PKIB: variants seen among roughly 807,000 people sequenced by gnomAD.
PKIB encodes PKI-beta.
In PKIB, 2 loss-of-function variants were observed where a neutral mutation model predicts 4.5. The observed-to-expected ratio is 0.44, with a 90% CI of 0.18 to 1.39. The LOEUF (loss-of-function observed/expected upper bound fraction) is 1.39, where lower values mean the gene tolerates loss of function less well. Ranked by LOEUF, PKIB falls within the 40% of genes most tolerant of loss-of-function variation. The probability of loss-of-function intolerance (pLI) is 0.27; values close to 1 mark genes in which losing one functional copy is unlikely to be tolerated. For synonymous variants in PKIB, 38 were observed against 36.0 expected (o/e 1.06, Z -0.20); for missense variants, 94 against 92.6 (o/e 1.02, Z -0.06).
chr6:122,533,932 A>G (rs1246353365), intron 2 of PKIB, among the ~76,000 whole-genome samples: 1 of 151,756 alleles, frequency 6.6e-6, no homozygotes, highest in Non-Finnish European at 1.5e-5. Context: ...TGTCCCTTCT[A>G]TCAACCATCC....
intron 2 of PKIB, among the ~76,000 whole-genome samples, chr6:122,488,741 A>G (rs1775846201): frequency 6.6e-6 from 1 of 152,198 alleles, no homozygotes; most frequent in Admixed American, 6.5e-5. Flanking sequence ...ACATTGGAGC[A>G]CTACGTCTGC....
chr6:122,602,702 G>A (rs1204850795), intron 3 of PKIB, among the ~76,000 whole-genome samples: 2 of 152,036 alleles, frequency 1.3e-5, no homozygotes, highest in African/African-American at 4.8e-5. Flanking sequence ...ATTGTTTGAG[G>A]CCAGGAGTTC....
chr6:122,510,844 C>G (rs939925993), intron 2 of PKIB, among the ~76,000 whole-genome samples: 3 of 152,104 alleles, frequency 2.0e-5, no homozygotes, highest in Admixed American at 6.5e-5. Context: ...TGAATGCCCC[C>G]TTTTCATAAT....
intron 2 of PKIB, among the ~76,000 whole-genome samples, chr6:122,639,936 G>A (rs963605623): frequency 3.9e-5 from 6 of 152,008 alleles, no homozygotes; most frequent in Admixed American, 6.6e-5. Flanking sequence ...GGAAGGGTTC[G>A]CCTGAAGACA....
At chr6:122,489,134 G>C (rs1775863209) in intron 2 of PKIB, among the ~76,000 whole-genome samples, 1 of 152,008 alleles carries the variant, frequency 6.6e-6, no homozygotes, top group Non-Finnish European at 1.5e-5. Flanking sequence ...ACTTGTGTTA[G>C]CTGCCTCAAA....
intron 2 of PKIB, among the ~76,000 whole-genome samples, chr6:122,557,299 C>T (rs1772874244): frequency 6.6e-6 from 1 of 152,146 alleles, no homozygotes. Flanking sequence ...GCCCATATTT[C>T]TGCCTCATTG....
At chr6:122,701,180 C>A in intron 3 of PKIB, 1 of 359,140 alleles carries the variant, frequency 2.8e-6, no homozygotes, top group Admixed American at 4.1e-5. Context: ...ACTACCTTTG[C>A]ATGAACAACA....
chr6:122,657,274 T>G (rs1208904885), intron 2 of PKIB, among the ~76,000 whole-genome samples: 1 of 152,112 alleles, frequency 6.6e-6, no homozygotes, highest in East Asian at 1.9e-4. Flanking sequence ...AGGACTTGAG[T>G]CTAAAATTGC....
At chr6:122,693,916 A>G (rs1476176680) in intron 3 of PKIB, among the ~76,000 whole-genome samples, 2 of 152,226 alleles carry the variant, frequency 1.3e-5, no homozygotes, top group Non-Finnish European at 2.9e-5. Context: ...CCATCAGCAT[A>G]TATCCTGACA....
At chr6:122,566,432 A>G (rs116000544) in intron 2 of PKIB, among the ~76,000 whole-genome samples, 254 of 152,284 alleles carry the variant, frequency 1.7e-3, no homozygotes, top group African/African-American at 5.8e-3. Flanking sequence ...GAGGTTTTAT[A>G]TATAGCCTCA....
At chr6:122,695,841 G>T (rs1562306841) in intron 3 of PKIB, among the ~76,000 whole-genome samples, 1 of 152,014 alleles carries the variant, frequency 6.6e-6, no homozygotes, top group Non-Finnish European at 1.5e-5. Flanking sequence ...GAATTGTAGG[G>T]AATCTATCTC....
intron 3 of PKIB, among the ~76,000 whole-genome samples, chr6:122,602,758 T>C (rs1774413272): frequency 6.6e-6 from 1 of 150,902 alleles, no homozygotes; most frequent in Non-Finnish European, 1.5e-5. Flanking sequence ...CCCCTAAAAA[T>C]ACAAAAAACA....
chr6:122,512,685 G>A (rs376926334), intron 2 of PKIB, among the ~76,000 whole-genome samples: 3 of 152,058 alleles, frequency 2.0e-5, no homozygotes, highest in East Asian at 3.9e-4. Context: ...TCCAAGTCTC[G>A]GTTATCACTT....
In PKIB at chr6:122,678,149, C is replaced by T. The variant is rs112103893; in HGVS notation, c.-9+3005C>T. Among the ~76,000 whole-genome samples the T allele has an allele frequency of 1.7e-3, 256 of 152,234 alleles. 1 individual carries two copies. Among genetic ancestry groups the T allele is most frequent in the African/African-American group, 5.9e-3 (246 of 41,556 alleles). Reference sequence around the variant, plus strand: ...TACTGACCTCATAATCTGCTCACCTCGGCCTCCCAAAGTGCTGGGATTACA... The same window carrying T: ...TACTGACCTCATAATCTGCTCACCTTGGCCTCCCAAAGTGCTGGGATTACA... On this transcript the variant is annotated intron_variant, in intron 3 of 4. Coordinates refer to ENST00000368452, the MANE Select transcript of PKIB (RefSeq NM_181795.3).
chr6:122,613,608 G>A (rs1173297193), intron 1 of PKIB, among the ~76,000 whole-genome samples: 1 of 151,852 alleles, frequency 6.6e-6, no homozygotes, highest in Non-Finnish European at 1.5e-5. Context: ...AATAATCTAG[G>A]TTAAGCACTT....
At chr6:122,570,193 C>A (rs1773319130) in intron 2 of PKIB, among the ~76,000 whole-genome samples, 1 of 152,184 alleles carries the variant, frequency 6.6e-6, no homozygotes, top group Non-Finnish European at 1.5e-5. Context: ...ACCTGAATAG[C>A]CAGAACACTG....
At chr6:122,605,572 CTT>C (rs1774504560), upstream of PKIB, among the ~76,000 whole-genome samples, 1 of 152,222 alleles carries the variant, frequency 6.6e-6, no homozygotes, top group South Asian at 2.1e-4. Context: ...CCTTCTGAAT[CTT>C]ATATTTTTAG....
At chr6:122,538,943 A>G (rs1777497983) in intron 2 of PKIB, among the ~76,000 whole-genome samples, 1 of 152,006 alleles carries the variant, frequency 6.6e-6, no homozygotes, top group Non-Finnish European at 1.5e-5. Context: ...CTTTGAAGCA[A>G]TTGTGAATGG....
intron 2 of PKIB, among the ~76,000 whole-genome samples, chr6:122,486,405 C>G (rs2114527976): frequency 6.6e-6 from 1 of 152,142 alleles, no homozygotes; most frequent in South Asian, 2.1e-4. Flanking sequence ...AGGATTCCAA[C>G]CATAGTTGCT....
Sources: gnomAD v4.1 joint callset for allele counts (sites outside exome capture counted in the v4.1 genomes callset) on GRCh38, gnomAD v4.1.1 for gene constraint, MANE v1.5 for transcripts, NCBI Gene and HGNC (gene_info 2026-07-23, HGNC 2026-07-21) for gene names.